CDH13: variants seen among roughly 807,000 people sequenced by gnomAD.
The protein encoded by CDH13 is cadherin-13.
CDH13 carries 24 observed loss-of-function variants against 63.8 expected under a neutral mutation model. The ratio of observed to expected loss-of-function variants is 0.38; its 90% confidence interval spans 0.27 to 0.53. The LOEUF is 0.53. Among genes scored for constraint, CDH13 ranks in the 20% least tolerant of loss-of-function variants. CDH13 has a pLI of 0.85. For synonymous variants in CDH13, 503 were observed against 355.3 expected (o/e 1.42, Z -4.67); for missense variants, 1,049 against 903.1 (o/e 1.16, Z -2.07).
At chr16:83,182,835 TG>T (rs1567485409) in intron 4 of CDH13, among the ~76,000 whole-genome samples, 1 of 152,186 alleles carries the variant, frequency 6.6e-6, no homozygotes, top group Non-Finnish European at 1.5e-5. Context: ...TGAGGAAAAA[TG>T]TCTCTTTACT....
At chr16:82,965,168 C>A (rs768981331) in intron 2 of CDH13, among the ~76,000 whole-genome samples, 11 of 152,240 alleles carry the variant, frequency 7.2e-5, no homozygotes, top group African/African-American at 1.2e-4. Context: ...CCCACTTCTG[C>A]TTCCAGCCCA....
intron 4 of CDH13, among the ~76,000 whole-genome samples, chr16:83,135,733 A>T (rs1664542866): frequency 6.6e-6 from 1 of 152,262 alleles, no homozygotes; most frequent in African/African-American, 2.4e-5. Flanking sequence ...ACACACGTTT[A>T]TAGCAGCACA....
intron 1 of CDH13, among the ~76,000 whole-genome samples, chr16:82,713,816 ACAAAC>A (rs755739218): frequency 1.5e-4 from 22 of 148,116 alleles, no homozygotes; most frequent in South Asian, 2.1e-4. Flanking sequence ...GAAAAAAAAA[ACAAAC>A]AAAAAAAAAG....
At chr16:82,872,638 C>T (rs965141828) in intron 2 of CDH13, among the ~76,000 whole-genome samples, 8 of 152,112 alleles carry the variant, frequency 5.3e-5, no homozygotes, top group African/African-American at 1.9e-4. Context: ...TTCTTTTCAC[C>T]TTAATGTTGA....
At chr16:83,398,333 G>A (rs1012705561) in intron 6 of CDH13, among the ~76,000 whole-genome samples, 2 of 152,134 alleles carry the variant, frequency 1.3e-5, no homozygotes, top group Admixed American at 6.5e-5. Context: ...AGCTCCTGGT[G>A]GCTCCAGGGA....
intron 4 of CDH13, among the ~76,000 whole-genome samples, chr16:83,196,474 A>G (rs999998728): frequency 6.6e-6 from 1 of 152,152 alleles, no homozygotes; most frequent in Admixed American, 6.6e-5. Flanking sequence ...TATGTGAAAA[A>G]TCCTGTTAAG....
chr16:83,136,331 C>CA (rs538016133), intron 4 of CDH13, among the ~76,000 whole-genome samples: 3 of 151,382 alleles, frequency 2.0e-5, no homozygotes, highest in Non-Finnish European at 4.4e-5. Context: ...AAAAATACAA[C>CA]AAAAATTAGC....
chr16:83,684,414 G>A (rs1745320127), intron 10 of CDH13, among the ~76,000 whole-genome samples: 1 of 152,126 alleles, frequency 6.6e-6, no homozygotes. Context: ...ATGCAAAATG[G>A]AAGTAACTAC....
At chr16:83,498,960 A>G (rs1451403481) in intron 7 of CDH13, among the ~76,000 whole-genome samples, 2 of 152,188 alleles carry the variant, frequency 1.3e-5, no homozygotes, top group Admixed American at 1.3e-4. Context: ...GGAAATGCAA[A>G]TCAATACAGG....
chr16:83,088,182 C>T (rs1209437410), intron 3 of CDH13, among the ~76,000 whole-genome samples: 2 of 152,188 alleles, frequency 1.3e-5, no homozygotes, highest in Non-Finnish European at 2.9e-5. Context: ...CTTCGAAATT[C>T]CTGCCTGTTT....
At chr16:83,650,631 G>T (rs1184337058) in intron 8 of CDH13, among the ~76,000 whole-genome samples, 1 of 152,202 alleles carries the variant, frequency 6.6e-6, no homozygotes, top group Admixed American at 6.5e-5. Context: ...CCAGCATCTA[G>T]TAGGTAAGAA....
chr16:83,096,608 T>C (rs971423237), intron 3 of CDH13, among the ~76,000 whole-genome samples: 9 of 152,186 alleles, frequency 5.9e-5, no homozygotes, highest in Non-Finnish European at 1.3e-4. Context: ...TTTAAATTCT[T>C]AATATGAGAA....
intron 1 of CDH13, among the ~76,000 whole-genome samples, chr16:82,816,365 T>C (rs2037710271): frequency 6.6e-6 from 1 of 152,118 alleles, no homozygotes; most frequent in Non-Finnish European, 1.5e-5. Context: ...ATCCCTACTC[T>C]GAAGGAGCTT....
chr16:83,150,801 C>T (rs543255049), intron 4 of CDH13, among the ~76,000 whole-genome samples: 2 of 152,340 alleles, frequency 1.3e-5, no homozygotes, highest in South Asian at 2.1e-4. Flanking sequence ...TGGATTTCAA[C>T]CTTTTCTTCC....
At chr16:83,518,096 C>T (rs2074741081) in intron 7 of CDH13, among the ~76,000 whole-genome samples, 1 of 152,054 alleles carries the variant, frequency 6.6e-6, no homozygotes, top group Non-Finnish European at 1.5e-5. Flanking sequence ...GGTGGTTAAC[C>T]TCATGCTGTT....
chr16:83,703,681 C>A lies in CDH13; in HGVS notation c.1538+25220C>A, dbSNP rs866201129. 2.6e-5 allele frequency among the ~76,000 whole-genome samples: 4 copies of A among 152,238 alleles called. No homozygotes were observed. In the South Asian group the frequency reaches 6.2e-4, roughly 24 times the overall value. On this transcript the variant is annotated intron_variant, in intron 10 of 13. Transcript: ENST00000567109. ...GTATTATCAAGTTGTTAATGTTGAACACATACATTACTTTTATAAACAGAA... is the reference window on the plus strand; with the variant it reads ...GTATTATCAAGTTGTTAATGTTGAAAACATACATTACTTTTATAAACAGAA...
chr16:83,076,217 A>T (rs2032825698), intron 3 of CDH13, among the ~76,000 whole-genome samples: 1 of 152,268 alleles, frequency 6.6e-6, no homozygotes, highest in African/African-American at 2.4e-5. Flanking sequence ...GCTTTTGAGC[A>T]TTGTTTGATA....
chr16:82,758,825 T>C (rs1459856991), intron 1 of CDH13, among the ~76,000 whole-genome samples: 1 of 152,220 alleles, frequency 6.6e-6, no homozygotes, highest in Non-Finnish European at 1.5e-5. Context: ...CAGCCTGGTG[T>C]GTAACCATTG....
At chr16:82,905,034 T>A (rs2041595843) in intron 2 of CDH13, among the ~76,000 whole-genome samples, 1 of 152,088 alleles carries the variant, frequency 6.6e-6, no homozygotes. Context: ...GCAGCTGCAA[T>A]TGGACTCTTC....
Sources: gnomAD v4.1 joint callset for allele counts (sites outside exome capture counted in the v4.1 genomes callset) on GRCh38, gnomAD v4.1.1 for gene constraint, MANE v1.5 for transcripts, NCBI Gene and HGNC (gene_info 2026-07-23, HGNC 2026-07-21) for gene names.